AGBL4: variants seen among roughly 807,000 people sequenced by gnomAD.
AGBL4 encodes the protein cytosolic carboxypeptidase 6.
In AGBL4, 58 loss-of-function variants were observed where a neutral mutation model predicts 66.4. The observed-to-expected ratio is 0.87, with a 90% CI of 0.71 to 1.09. The LOEUF (loss-of-function observed/expected upper bound fraction) is 1.09, where lower values mean the gene tolerates loss of function less well. AGBL4 is among the 50% of genes least tolerant of loss of function. The probability of loss-of-function intolerance (pLI) is 0.00; values close to 1 mark genes in which losing one functional copy is unlikely to be tolerated. For synonymous variants in AGBL4, 234 were observed against 222.9 expected (o/e 1.05, Z -0.44); for missense variants, 579 against 631.0 (o/e 0.92, Z 0.88).
chr1:49,815,703 C>A (rs1012228474), intron 2 of AGBL4, among the ~76,000 whole-genome samples: 6 of 152,060 alleles, frequency 3.9e-5, no homozygotes, highest in Non-Finnish European at 8.8e-5. Flanking sequence ...TGGTTATGAG[C>A]CATTTTAACT....
chr1:49,438,752 G>C (rs879379872), intron 3 of AGBL4, among the ~76,000 whole-genome samples: 9 of 152,168 alleles, frequency 5.9e-5, no homozygotes, highest in Admixed American at 2.6e-4. Context: ...AAATTTAATA[G>C]AAAGTAATAA....
intron 6 of AGBL4, among the ~76,000 whole-genome samples, chr1:48,802,569 A>G (rs887745589): frequency 3.3e-5 from 5 of 152,198 alleles, no homozygotes; most frequent in African/African-American, 1.2e-4. Context: ...ATTAACTTTC[A>G]TTGAAAATTA....
At chr1:48,711,201 C>T (rs1570320784) in intron 6 of AGBL4, among the ~76,000 whole-genome samples, 5 of 152,308 alleles carry the variant, frequency 3.3e-5, no homozygotes, top group Admixed American at 3.3e-4. Context: ...CTGGGCTGCA[C>T]TCTTGGGGGG....
intron 1 of AGBL4, among the ~76,000 whole-genome samples, chr1:49,986,715 A>C (rs1246290194): frequency 6.6e-6 from 1 of 152,062 alleles, no homozygotes; most frequent in Non-Finnish European, 1.5e-5. Flanking sequence ...TCTATTTCAT[A>C]ATGCACTCTT....
chr1:49,715,747 C>T (rs1648070569), intron 2 of AGBL4, among the ~76,000 whole-genome samples: 1 of 152,048 alleles, frequency 6.6e-6, no homozygotes, highest in African/African-American at 2.4e-5. Context: ...GTTAGCCACA[C>T]AAATGTCTTC....
intron 3 of AGBL4, among the ~76,000 whole-genome samples, chr1:49,509,010 C>A (rs1437955605): frequency 6.6e-6 from 1 of 151,620 alleles, no homozygotes; most frequent in Admixed American, 6.6e-5. Flanking sequence ...ATAAGATACC[C>A]AAACACCCCA....
intron 6 of AGBL4, among the ~76,000 whole-genome samples, chr1:48,845,095 A>G (rs989650870): frequency 1.3e-5 from 2 of 152,218 alleles, no homozygotes. Context: ...GGCAGAAGGA[A>G]GTGAATATTT....
chr1:49,925,795 G>A (rs908608833), intron 1 of AGBL4, among the ~76,000 whole-genome samples: 3 of 152,204 alleles, frequency 2.0e-5, no homozygotes, highest in Non-Finnish European at 4.4e-5. Context: ...TCTGCCTGGG[G>A]AGTTGGTGAG....
At chr1:48,912,846 A>G (rs1653260762) in intron 5 of AGBL4, among the ~76,000 whole-genome samples, 1 of 152,150 alleles carries the variant, frequency 6.6e-6, no homozygotes, top group African/African-American at 2.4e-5. Flanking sequence ...CTATGAAAGG[A>G]GTAGGAATAG....
chr1:49,705,210 T>C (rs1270982407), intron 2 of AGBL4, among the ~76,000 whole-genome samples: 2 of 152,198 alleles, frequency 1.3e-5, no homozygotes, highest in Admixed American at 6.5e-5. Flanking sequence ...AGTTAACTCA[T>C]GATTTGGCTT....
At chr1:48,635,411 A>G (rs1645652357) in intron 8 of AGBL4, among the ~76,000 whole-genome samples, 1 of 152,250 alleles carries the variant, frequency 6.6e-6, no homozygotes, top group South Asian at 2.1e-4. Flanking sequence ...AGTGAGAACC[A>G]GAGAATAATG....
chr1:48,535,569 A>G (rs775194586), intron 12 of AGBL4, among the ~76,000 whole-genome samples: 5 of 152,156 alleles, frequency 3.3e-5, no homozygotes, highest in Admixed American at 6.5e-5. Flanking sequence ...TATCTTTACC[A>G]TATCATTTAC....
intron 4 of AGBL4, among the ~76,000 whole-genome samples, chr1:49,196,134 A>C (rs1647243137): frequency 6.6e-6 from 1 of 152,198 alleles, no homozygotes; most frequent in South Asian, 2.1e-4. Context: ...AATCTCAAGT[A>C]CTTCTTTACA....
intron 3 of AGBL4, among the ~76,000 whole-genome samples, chr1:49,298,615 C>A (rs1644686161): frequency 6.6e-6 from 1 of 151,714 alleles, no homozygotes; most frequent in African/African-American, 2.4e-5. Context: ...TTGAGGGGTG[C>A]CTGGCCTCTC....
At chr1:49,800,350 TA>T (rs1487446630) in intron 2 of AGBL4, among the ~76,000 whole-genome samples, 6 of 140,554 alleles carry the variant, frequency 4.3e-5, no homozygotes, top group Non-Finnish European at 7.6e-5. Flanking sequence ...TTTTATTTAT[TA>T]TTTTTTTTCT....
intron 5 of AGBL4, among the ~76,000 whole-genome samples, chr1:48,958,403 G>A (rs1657671821): frequency 6.6e-6 from 1 of 152,200 alleles, no homozygotes; most frequent in Non-Finnish European, 1.5e-5. Context: ...TGCTTAAGAA[G>A]GGACTACATT....
intron 6 of AGBL4, among the ~76,000 whole-genome samples, chr1:48,687,992 A>G (rs1023578173): frequency 5.3e-5 from 8 of 151,964 alleles, no homozygotes; most frequent in African/African-American, 1.9e-4. Context: ...GTATATATTT[A>G]TTTTCTTTTC....
At chr1:49,967,126 G>A (rs547419241) in intron 1 of AGBL4, among the ~76,000 whole-genome samples, 4 of 152,260 alleles carry the variant, frequency 2.6e-5, no homozygotes, top group Middle Eastern at 3.4e-3. Flanking sequence ...CCCACCAACA[G>A]TGTAAAAGCA....
intron 3 of AGBL4, among the ~76,000 whole-genome samples, chr1:49,401,719 C>T (rs1184455715): frequency 6.6e-6 from 1 of 151,978 alleles, no homozygotes; most frequent in African/African-American, 2.4e-5. Flanking sequence ...GAATTATTCC[C>T]TCCTCTATTT....
Sources: allele counts gnomAD v4.1 joint callset (sites outside exome capture counted in the v4.1 genomes callset), GRCh38; gene constraint gnomAD v4.1.1; transcripts MANE v1.5; gene names NCBI Gene and HGNC (gene_info 2026-07-23, HGNC 2026-07-21).